Variants in SYT16 observed in about 807,000 individuals in gnomAD.
SYT16 encodes the protein synaptotagmin-16.
In SYT16, 42 loss-of-function variants were observed where a neutral mutation model predicts 61.4. The observed-to-expected ratio is 0.68, with a 90% CI of 0.53 to 0.89. The LOEUF is 0.89. Ranked by LOEUF, SYT16 falls within the 40% of genes least tolerant of loss-of-function variation. SYT16 has a pLI of 0.00. For missense variants in SYT16, 804 were observed against 807.3 expected (o/e 1.00, Z 0.05); for synonymous variants, 314 against 302.3 (o/e 1.04, Z -0.40).
At chr14:62,065,293 G>T (rs1296052808) in intron 3 of SYT16, among the ~76,000 whole-genome samples, 3 of 152,142 alleles carry the variant, frequency 2.0e-5, no homozygotes, top group African/African-American at 7.2e-5. Context: ...TCTTAAATTT[G>T]TTGCCTTATG....
At chr14:61,941,346 A>G (rs1036743849) in intron 1 of SYT16, among the ~76,000 whole-genome samples, 4 of 152,098 alleles carry the variant, frequency 2.6e-5, no homozygotes, top group Admixed American at 2.0e-4. Flanking sequence ...CTCATATATA[A>G]ACCAGTAATA....
rs189451270 is a variant in SYT16, at chr14:62,110,028, G to C, written c.*9321G>C. 1.6e-4 allele frequency: 25 copies of C among 152,284 alleles called. No individual in the cohort carries two copies. Among genetic ancestry groups the C allele is most frequent in the African/African-American group, 5.8e-4 (24 of 41,566 alleles). The allele number at this position is 152,284 out of a possible 1,614,324, so 9.4% of individuals were successfully genotyped here. ...ACACTGATAGTCACTCTGGGTGAAG[G>C]GGGAGGCCTGGCCAATGATTTGTAT... On this transcript the variant is annotated 3_prime_UTR_variant, in exon 8 of 8. Coordinates refer to ENST00000683842, the MANE Select transcript of SYT16 (RefSeq NM_001367656.1).
chr14:61,892,953 C>T (rs1276950105), intron 1 of SYT16, among the ~76,000 whole-genome samples: 1 of 152,080 alleles, frequency 6.6e-6, no homozygotes, highest in Non-Finnish European at 1.5e-5. Context: ...GTGGGGCCGC[C>T]TTCCACAAGC....
intron 3 of SYT16, among the ~76,000 whole-genome samples, chr14:62,056,322 G>A (rs1188387508): frequency 3.3e-5 from 5 of 152,038 alleles, no homozygotes; most frequent in African/African-American, 1.2e-4. Context: ...CCCCTTTAGG[G>A]GCCTAAATAC....
At chr14:61,920,608 C>T (rs1011912635) in intron 1 of SYT16, among the ~76,000 whole-genome samples, 2 of 152,176 alleles carry the variant, frequency 1.3e-5, no homozygotes, top group Admixed American at 1.3e-4. Context: ...GGTGTCCCGT[C>T]GGCACTGTAG....
intron 2 of SYT16, among the ~76,000 whole-genome samples, chr14:61,986,272 T>G (rs1231324921): frequency 6.6e-6 from 1 of 152,002 alleles, no homozygotes; most frequent in Admixed American, 6.6e-5. Context: ...AGAAGTAAGC[T>G]TTAGCGTAGC....
At chr14:61,826,753 T>C (rs2045783451) in intron 1 of SYT16, among the ~76,000 whole-genome samples, 1 of 152,060 alleles carries the variant, frequency 6.6e-6, no homozygotes, top group African/African-American at 2.4e-5. Context: ...AAGATACCAC[T>C]GTCTGGGTGG....
intron 2 of SYT16, among the ~76,000 whole-genome samples, chr14:61,992,058 T>C (rs1472573439): frequency 6.6e-6 from 1 of 152,128 alleles, no homozygotes; most frequent in African/African-American, 2.4e-5. Context: ...GCCCTAGCAC[T>C]TGTGGACTCC....
At chr14:61,852,190 C>CT (rs543081115) in intron 1 of SYT16, among the ~76,000 whole-genome samples, 4,306 of 151,156 alleles carry the variant, frequency 0.028, 100 homozygotes, top group African/African-American at 0.051. Flanking sequence ...TTCCCCATTG[C>CT]TTTTTTTTTG....
intron 1 of SYT16, among the ~76,000 whole-genome samples, chr14:61,859,789 G>C (rs2046910608): frequency 6.6e-6 from 1 of 151,964 alleles, no homozygotes; most frequent in Admixed American, 6.6e-5. Flanking sequence ...GGCACACTTG[G>C]GGCTCCAAGC....
At chr14:61,822,994 A>G (rs1014369458) in intron 1 of SYT16, among the ~76,000 whole-genome samples, 2 of 151,798 alleles carry the variant, frequency 1.3e-5, no homozygotes, top group African/African-American at 4.8e-5. Flanking sequence ...TTTATTTTTT[A>G]TTTTATTTAT....
chr14:62,054,532 T>C (rs1399572347), intron 3 of SYT16, among the ~76,000 whole-genome samples: 1 of 152,020 alleles, frequency 6.6e-6, no homozygotes, highest in Non-Finnish European at 1.5e-5. Flanking sequence ...AGCTAATTTT[T>C]GTATTTTTTT....
intron 3 of SYT16, among the ~76,000 whole-genome samples, chr14:62,048,975 G>A (rs1398486803): frequency 2.6e-5 from 4 of 152,214 alleles, no homozygotes; most frequent in Non-Finnish European, 5.9e-5. Context: ...GGAGGGTTCT[G>A]TAGATGTCTG....
At chr14:61,971,591 T>C in intron 2 of SYT16, among the ~76,000 whole-genome samples, 1 of 152,250 alleles carries the variant, frequency 6.6e-6, no homozygotes, top group East Asian at 1.9e-4. Flanking sequence ...ATGTCACTTT[T>C]ATCACATTGT....
At chr14:62,056,506 G>A (rs995293688) in intron 3 of SYT16, among the ~76,000 whole-genome samples, 4 of 152,164 alleles carry the variant, frequency 2.6e-5, no homozygotes, top group Admixed American at 6.5e-5. Flanking sequence ...CTCCGTTTCC[G>A]GATGAATCCC....
chr14:62,098,613 GT>G (rs1331822804), intron 7 of SYT16, among the ~76,000 whole-genome samples: 1 of 152,206 alleles, frequency 6.6e-6, no homozygotes, highest in Non-Finnish European at 1.5e-5. Context: ...GAAAGAAAAA[GT>G]TGAGCTTCCT....
At chr14:62,075,448 A>G in intron 5 of SYT16, 57 bp downstream of exon 5, 1 of 1,464,410 alleles carries the variant, frequency 6.8e-7, no homozygotes, top group South Asian at 1.5e-5. Context: ...CCCTCTTTCC[A>G]CTCTCCTTTC....
At chr14:61,914,241 A>G (rs1337707790) in intron 1 of SYT16, among the ~76,000 whole-genome samples, 1 of 152,182 alleles carries the variant, frequency 6.6e-6, no homozygotes, top group Admixed American at 6.5e-5. Flanking sequence ...TGCTAGGCAA[A>G]ACTCCAACTG....
intron 4 of SYT16, among the ~76,000 whole-genome samples, chr14:62,071,624 T>C (rs1350393880): frequency 6.6e-6 from 1 of 152,364 alleles, no homozygotes. Flanking sequence ...CTTGATTTTT[T>C]TTGTTCATCT....
Sources: allele counts gnomAD v4.1 joint callset (sites outside exome capture counted in the v4.1 genomes callset), GRCh38; gene constraint gnomAD v4.1.1; transcripts MANE v1.5; gene names NCBI Gene and HGNC (gene_info 2026-07-23, HGNC 2026-07-21).